ZCCHC17: variants seen among roughly 807,000 people sequenced by gnomAD.
The protein encoded by ZCCHC17 is zinc finger CCHC-type containing 17.
ZCCHC17 carries 18 observed loss-of-function variants against 30.6 expected under a neutral mutation model. The ratio of observed to expected loss-of-function variants is 0.59; its 90% confidence interval spans 0.41 to 0.87. The LOEUF is 0.87. ZCCHC17 is among the 40% of genes least tolerant of loss of function. The probability of loss-of-function intolerance (pLI) is 0.00; values close to 1 mark genes in which losing one functional copy is unlikely to be tolerated. For missense variants in ZCCHC17, 263 were observed against 284.2 expected, an observed-to-expected ratio of 0.93 and a Z score of 0.54; for synonymous variants, 88 against 92.4, an observed-to-expected ratio of 0.95 and a Z score of 0.27.
At chr1:31,298,387 GTTT>G (rs35380795) in intron 1 of ZCCHC17, among the ~76,000 whole-genome samples, 1 of 139,182 alleles carries the variant, frequency 7.2e-6, no homozygotes, top group African/African-American at 2.7e-5. Flanking sequence ...GTTTTTTTTT[GTTT>G]TTTTTTTTTT....
At chr1:31,331,037 A>G (rs1283302755) in intron 3 of ZCCHC17, among the ~76,000 whole-genome samples, 2 of 152,232 alleles carry the variant, frequency 1.3e-5, no homozygotes, top group African/African-American at 4.8e-5. Flanking sequence ...AGATGGGAGC[A>G]CTCAAGATGC....
At chr1:31,317,784 A>G (rs981274145) in intron 2 of ZCCHC17, among the ~76,000 whole-genome samples, 1 of 152,108 alleles carries the variant, frequency 6.6e-6, no homozygotes, top group African/African-American at 2.4e-5. Flanking sequence ...ATACTATTCC[A>G]CTTCATTTGC....
At chr1:31,313,088 T>C (rs905084768) in intron 2 of ZCCHC17, among the ~76,000 whole-genome samples, 34 of 143,304 alleles carry the variant, frequency 2.4e-4, no homozygotes, top group Non-Finnish European at 4.7e-4. Context: ...TTTTTTTTTT[T>C]CTTTTTTTTG....
intron 2 of ZCCHC17, among the ~76,000 whole-genome samples, chr1:31,317,537 TG>T (rs1277165914): frequency 6.6e-6 from 1 of 152,238 alleles, no homozygotes; most frequent in African/African-American, 2.4e-5. Flanking sequence ...GCAAGTTGTG[TG>T]CAAGATCCTA....
At chr1:31,333,617 A>G (rs763498328) in intron 3 of ZCCHC17, among the ~76,000 whole-genome samples, 32 of 152,222 alleles carry the variant, frequency 2.1e-4, no homozygotes, top group Admixed American at 2.6e-4. Context: ...CTAAAGACCC[A>G]TGGAAATTCA....
At chr1:31,332,757 G>A (rs1638640128) in intron 3 of ZCCHC17, among the ~76,000 whole-genome samples, 1 of 151,948 alleles carries the variant, frequency 6.6e-6, no homozygotes, top group African/African-American at 2.4e-5. Flanking sequence ...AAGTAGCTGA[G>A]ACTACAGGTG....
At chr1:31,342,313 G>C (rs1425225107) in intron 5 of ZCCHC17, among the ~76,000 whole-genome samples, 14 of 152,134 alleles carry the variant, frequency 9.2e-5, no homozygotes, top group African/African-American at 3.1e-4. Context: ...CAAAGTGCTG[G>C]GATTACAGGC....
intron 1 of ZCCHC17, among the ~76,000 whole-genome samples, chr1:31,304,330 G>A (rs960438111): frequency 7.9e-5 from 12 of 151,272 alleles, no homozygotes; most frequent in Non-Finnish European, 1.8e-4. Flanking sequence ...GTTGCCCAGG[G>A]TGGAGTGCAG....
chr1:31,363,386 T>C (rs1022694461), intron 7 of ZCCHC17, among the ~76,000 whole-genome samples: 1 of 152,154 alleles, frequency 6.6e-6, no homozygotes, highest in Non-Finnish European at 1.5e-5. Flanking sequence ...GGTTTCACCA[T>C]GTTAGCCAGG....
chr1:31,315,158 T>C (rs906690922), intron 2 of ZCCHC17, among the ~76,000 whole-genome samples: 1 of 152,238 alleles, frequency 6.6e-6, no homozygotes, highest in Admixed American at 6.5e-5. Flanking sequence ...TTGTCTCATA[T>C]GTCTTGGTAA....
intron 3 of ZCCHC17, 92 bp downstream of exon 3, chr1:31,319,258 C>A: frequency 1.8e-6 from 2 of 1,099,706 alleles, no homozygotes; most frequent in South Asian, 1.6e-5. Context: ...ATTTTTCAGA[C>A]AGTAGTTTTT....
intron 7 of ZCCHC17, among the ~76,000 whole-genome samples, chr1:31,350,314 T>C (rs2148471615): frequency 6.6e-6 from 1 of 152,312 alleles, no homozygotes; most frequent in South Asian, 2.1e-4. Context: ...GTCCTTGCCC[T>C]CAGTGGTTAT....
chr1:31,363,680 G>C (rs1004420615), intron 7 of ZCCHC17, among the ~76,000 whole-genome samples: 24 of 152,278 alleles, frequency 1.6e-4, no homozygotes, highest in African/African-American at 5.8e-4. Flanking sequence ...TACTTGGGAG[G>C]CTGAGGTGGG....
intron 3 of ZCCHC17, among the ~76,000 whole-genome samples, chr1:31,329,032 C>G (rs1233447188): frequency 1.3e-5 from 2 of 152,136 alleles, no homozygotes; most frequent in African/African-American, 4.8e-5. Context: ...GCCCTCTGAT[C>G]GCTTGGTCTT....
At chr1:31,363,392 C>G (rs1206449393) in intron 7 of ZCCHC17, among the ~76,000 whole-genome samples, 1 of 152,108 alleles carries the variant, frequency 6.6e-6, no homozygotes, top group South Asian at 2.1e-4. Context: ...ACCATGTTAG[C>G]CAGGATGGTC....
intron 3 of ZCCHC17, among the ~76,000 whole-genome samples, chr1:31,331,510 A>G (rs1009711286): frequency 7.9e-5 from 12 of 152,278 alleles, no homozygotes; most frequent in African/African-American, 2.9e-4. Context: ...AGCTTAAAAC[A>G]TGGTAAACAT....
chr1:31,310,225 C>G, intron 2 of ZCCHC17, 61 bp downstream of exon 2: 1 of 1,568,638 alleles, frequency 6.4e-7, no homozygotes, highest in Non-Finnish European at 8.8e-7. Context: ...AGGGTGACAA[C>G]TGGGTTTGTT....
intron 3 of ZCCHC17, among the ~76,000 whole-genome samples, chr1:31,336,068 A>G (rs1275695154): frequency 1.3e-5 from 2 of 151,834 alleles, no homozygotes; most frequent in Non-Finnish European, 2.9e-5. Flanking sequence ...TTATGTATGT[A>G]TGTATGTATT....
intron 3 of ZCCHC17, among the ~76,000 whole-genome samples, chr1:31,333,907 G>A (rs1197267501): frequency 6.6e-6 from 1 of 152,162 alleles, no homozygotes; most frequent in Non-Finnish European, 1.5e-5. Flanking sequence ...AGCAATAGAG[G>A]AAAGAGATGA....
Sources: gnomAD v4.1 joint callset for allele counts (sites outside exome capture counted in the v4.1 genomes callset) on GRCh38, gnomAD v4.1.1 for gene constraint, MANE v1.5 for transcripts, NCBI Gene and HGNC (gene_info 2026-07-23, HGNC 2026-07-21) for gene names.